Variants in LTBP1 observed in about 807,000 individuals in gnomAD.
The protein encoded by LTBP1 is latent transforming growth factor beta binding protein 1.
A neutral mutation model predicts 207.6 loss-of-function variants in LTBP1; 129 were observed. The ratio of observed to expected loss-of-function variants is 0.62; its 90% CI spans 0.54 to 0.72. The LOEUF is 0.72. Ranked by LOEUF, LTBP1 falls within the 30% of genes least tolerant of loss-of-function variation. LTBP1 has a pLI of 0.00. For synonymous variants in LTBP1, 963 were observed against 833.7 expected (o/e 1.16, Z -2.67); for missense variants, 2,281 against 2,217.2 (o/e 1.03, Z -0.58).
chr2:33,145,491 CTCCTGGCAA>C (rs2082953360), intron 5 of LTBP1, among the ~76,000 whole-genome samples: 2 of 152,216 alleles, frequency 1.3e-5, no homozygotes, highest in Non-Finnish European at 2.9e-5. Flanking sequence ...CACTGCCCTT[CTCCTGGCAA>C]GTTAGGAAGT....
intron 31 of LTBP1, among the ~76,000 whole-genome samples, chr2:33,375,562 C>G (rs922589919): frequency 2.2e-4 from 33 of 151,972 alleles, no homozygotes; most frequent in African/African-American, 7.3e-4. Flanking sequence ...GAGTCTCGCT[C>G]TGTCGCCCAG....
intron 23 of LTBP1, 109 bp downstream of exon 23, chr2:33,309,665 T>C (rs2149158040): frequency 7.8e-7 from 1 of 1,290,218 alleles, no homozygotes; most frequent in Non-Finnish European, 1.1e-6. Flanking sequence ...TGTAAATAAT[T>C]TATGTCAATT....
intron 5 of LTBP1, among the ~76,000 whole-genome samples, chr2:33,158,526 G>T (rs1397677113): frequency 6.6e-6 from 1 of 152,076 alleles, no homozygotes; most frequent in Non-Finnish European, 1.5e-5. Context: ...GCCAAATAGG[G>T]GTGACTTATA....
At chr2:33,297,015 A>G (rs1227919267) in intron 20 of LTBP1, among the ~76,000 whole-genome samples, 4 of 152,224 alleles carry the variant, frequency 2.6e-5, no homozygotes, top group African/African-American at 7.2e-5. Context: ...CGTTAAAGCC[A>G]AGAAGTGTGT....
At chr2:33,008,778 G>C (rs1263693120) in intron 2 of LTBP1, among the ~76,000 whole-genome samples, 1 of 152,220 alleles carries the variant, frequency 6.6e-6, no homozygotes, top group Non-Finnish European at 1.5e-5. Flanking sequence ...CAGGGTAGGA[G>C]GATAGAGGCA....
At chr2:33,192,316 G>A (rs74547894) in intron 7 of LTBP1, among the ~76,000 whole-genome samples, 2,259 of 152,238 alleles carry the variant, frequency 0.015, 23 homozygotes, top group East Asian at 0.027. Flanking sequence ...GACCTTATGT[G>A]CCTCCTGCTG....
At chr2:33,394,931 G>A (rs911654886) in intron 32 of LTBP1, among the ~76,000 whole-genome samples, 4 of 152,164 alleles carry the variant, frequency 2.6e-5, no homozygotes, top group Admixed American at 6.5e-5. Flanking sequence ...TTGGTATTCT[G>A]TTCCTGCGTT....
rs1207556086 is a variant in LTBP1, at chr2:33,020,982, C to T, written c.639C>T (p.Thr213=). The change falls in exon 3 of 34, where the codon ACC becomes ACT. Residue 213 remains threonine, a synonymous_variant. Coordinates refer to ENST00000404816, the MANE Select transcript of LTBP1 (RefSeq NM_206943.4). ...AACTCTGTGTGTGTAAACCAGGGACCAAGGGCAAAGCCTGTGAAACAATAG... is the reference window on the plus strand; with the variant it reads ...AACTCTGTGTGTGTAAACCAGGGACTAAGGGCAAAGCCTGTGAAACAATAG... The part of the protein sequence containing the change: ...RPQLCVCKPG[T]KGKACETIAA... 2 of 1,612,824 alleles carry T rather than the reference C, an allele frequency of 1.2e-6. No individual in the cohort carries two copies. The highest frequency in any genetic ancestry group is 1.7e-6 in the Non-Finnish European group (2 of 1,179,162).
In LTBP1 at chr2:33,089,224, A is replaced by G. The variant is rs150981391; in HGVS notation, c.864-21358A>G. 5.9e-4 allele frequency among the ~76,000 whole-genome samples: 90 copies of G among 152,204 alleles called. 1 individual carries two copies. In the East Asian group the frequency reaches 0.017, roughly 28 times the overall value. On this transcript the variant is annotated intron_variant, in intron 3 of 33. Transcript: ENST00000404816. Reference sequence around the variant, plus strand: ...AGAAAATGTATGACAAAGTGGGAAAAGCTTGGATTTTTTCATAGTGGGGAC... The same window carrying G: ...AGAAAATGTATGACAAAGTGGGAAAGGCTTGGATTTTTTCATAGTGGGGAC...
At chr2:33,321,657 A>G (rs2094356347) in intron 24 of LTBP1, among the ~76,000 whole-genome samples, 1 of 152,184 alleles carries the variant, frequency 6.6e-6, no homozygotes, top group Non-Finnish European at 1.5e-5. Flanking sequence ...TGCTTTTGAA[A>G]ATGACTCAGC....
chr2:33,347,778 A>G (rs1313242912), intron 26 of LTBP1, among the ~76,000 whole-genome samples: 1 of 152,202 alleles, frequency 6.6e-6, no homozygotes, highest in African/African-American at 2.4e-5. Context: ...AATGATGAGG[A>G]CATTTGCTGG....
intron 2 of LTBP1, among the ~76,000 whole-genome samples, chr2:33,008,013 G>GT (rs1687162702): frequency 6.6e-6 from 1 of 152,190 alleles, no homozygotes; most frequent in African/African-American, 2.4e-5. Flanking sequence ...GCTAATCAAA[G>GT]TAAGTTATGT....
intron 9 of LTBP1, among the ~76,000 whole-genome samples, chr2:33,240,124 G>A (rs2092251795): frequency 6.6e-6 from 1 of 152,110 alleles, no homozygotes; most frequent in South Asian, 2.1e-4. Flanking sequence ...CAGTTGTTAA[G>A]TCTGAATAGA....
chr2:33,307,897 C>A (rs560616727), intron 22 of LTBP1, among the ~76,000 whole-genome samples: 1 of 152,088 alleles, frequency 6.6e-6, no homozygotes, highest in East Asian at 1.9e-4. Flanking sequence ...AGTACAGAAG[C>A]CTGTTAATTG....
At chr2:33,027,700 G>T (rs2075490401) in intron 3 of LTBP1, among the ~76,000 whole-genome samples, 1 of 152,098 alleles carries the variant, frequency 6.6e-6, no homozygotes, top group South Asian at 2.1e-4. Flanking sequence ...AGCGGGGCGT[G>T]GTGGCATGCG....
intron 3 of LTBP1, among the ~76,000 whole-genome samples, chr2:33,090,874 A>G (rs1324861110): frequency 6.6e-6 from 1 of 152,196 alleles, no homozygotes; most frequent in East Asian, 1.9e-4. Context: ...GTTTAAAAGG[A>G]TTACCTTGTT....
At chr2:33,384,561 C>G (rs2095249612) in intron 31 of LTBP1, among the ~76,000 whole-genome samples, 1 of 152,208 alleles carries the variant, frequency 6.6e-6, no homozygotes, top group Admixed American at 6.5e-5. Context: ...TTCCTTTGCA[C>G]CGAGCCCCAG....
intron 3 of LTBP1, among the ~76,000 whole-genome samples, chr2:33,051,017 C>G (rs2076711297): frequency 6.6e-6 from 1 of 152,138 alleles, no homozygotes; most frequent in Admixed American, 6.5e-5. Flanking sequence ...GCCACCGCGC[C>G]CGGCCTGAAA....
intron 3 of LTBP1, among the ~76,000 whole-genome samples, chr2:33,094,594 T>C (rs997990662): frequency 2.0e-5 from 3 of 152,210 alleles, no homozygotes; most frequent in African/African-American, 7.2e-5. Context: ...CATTATCACA[T>C]GAGTTACAGA....
Sources: allele counts gnomAD v4.1 joint callset (sites outside exome capture counted in the v4.1 genomes callset), GRCh38; gene constraint gnomAD v4.1.1; transcripts MANE v1.5; gene names NCBI Gene and HGNC (gene_info 2026-07-23, HGNC 2026-07-21).